PHKA1: variants seen among roughly 807,000 people sequenced by gnomAD.
PHKA1 encodes the protein phosphorylase kinase regulatory subunit alpha 1.
In PHKA1, 60 loss-of-function variants were observed where a neutral mutation model predicts 110.2. That is an observed-to-expected ratio of 0.54 (90% CI 0.44 to 0.68). The LOEUF is 0.68. Ranked by LOEUF, PHKA1 falls within the 30% of genes least tolerant of loss-of-function variation. The pLI, the probability that PHKA1 is intolerant of heterozygous loss-of-function variation, is 0.00. For synonymous variants in PHKA1, 316 were observed against 333.6 expected, an observed-to-expected ratio of 0.95 and a Z score of 0.58; for missense variants, 801 against 942.5, an observed-to-expected ratio of 0.85 and a Z score of 1.97.
intron 8 of PHKA1, among the ~76,000 whole-genome samples, chrX:72,661,641 G>A (rs2053559329): frequency 9.8e-6 from 1 of 102,251 alleles, no homozygotes; most frequent in South Asian, 4.7e-4. Context: ...TATACTGCTT[G>A]TATCTGTGGA....
chrX:72,702,925 C>T (rs2054226333), intron 3 of PHKA1, among the ~76,000 whole-genome samples: 1 of 111,717 alleles, frequency 9.0e-6, no homozygotes, highest in Non-Finnish European at 1.9e-5. Flanking sequence ...CAAGAGAATG[C>T]AACCATCTGT....
At chrX:72,649,674 G>A (rs2053403588) in intron 13 of PHKA1, among the ~76,000 whole-genome samples, 1 of 111,472 alleles carries the variant, frequency 9.0e-6, no homozygotes, top group South Asian at 3.8e-4. Flanking sequence ...CTAATACAGA[G>A]TGTAAATACA....
chrX:72,689,586 A>G (rs1421490824), intron 4 of PHKA1, among the ~76,000 whole-genome samples: 1 of 112,238 alleles, frequency 8.9e-6, no homozygotes, highest in African/African-American at 3.2e-5. Flanking sequence ...GTGCAGATGT[A>G]TCATATTTTA....
intron 16 of PHKA1, among the ~76,000 whole-genome samples, chrX:72,628,995 T>G (rs1210177404): frequency 1.8e-5 from 2 of 111,894 alleles, no homozygotes; most frequent in African/African-American, 6.5e-5. Flanking sequence ...ATGAATTATT[T>G]TCCCAAATGT....
At chrX:72,650,860 C>T (rs1189884306) in intron 12 of PHKA1, among the ~76,000 whole-genome samples, 1 of 111,267 alleles carries the variant, frequency 9.0e-6, no homozygotes, top group African/African-American at 3.3e-5. Context: ...TAGCTAGGAC[C>T]ACAGGCGTGT....
intron 29 of PHKA1, among the ~76,000 whole-genome samples, chrX:72,589,062 C>T (rs781909358): frequency 1.8e-5 from 2 of 111,807 alleles, no homozygotes; most frequent in African/African-American, 3.3e-5. Context: ...ACGGAATCCT[C>T]TCTAATTCAG....
At chrX:72,596,396 A>G (rs782715119) in intron 28 of PHKA1, among the ~76,000 whole-genome samples, 7 of 111,698 alleles carry the variant, frequency 6.3e-5, no homozygotes, top group African/African-American at 1.6e-4. Context: ...CCTATAGTTA[A>G]TGATACTATA....
chrX:72,655,056 C>T (rs1306319743), intron 10 of PHKA1, among the ~76,000 whole-genome samples: 1 of 110,513 alleles, frequency 9.0e-6, no homozygotes, highest in Non-Finnish European at 1.9e-5. Context: ...CTCGGCCTCC[C>T]AAAGTGCTGG....
At chrX:72,613,978 G>T (rs891383781) in intron 21 of PHKA1, among the ~76,000 whole-genome samples, 1 of 111,701 alleles carries the variant, frequency 9.0e-6, no homozygotes, top group East Asian at 2.8e-4. Flanking sequence ...CAGATAAATG[G>T]AGACTCAAGA....
At chrX:72,685,588 T>A (rs782236705) in intron 4 of PHKA1, among the ~76,000 whole-genome samples, 1 of 112,188 alleles carries the variant, frequency 8.9e-6, no homozygotes, top group Admixed American at 9.5e-5. Flanking sequence ...AATTACTTAA[T>A]CCTGAGCACT....
In PHKA1 at chrX:72,697,573, T is replaced by C. The variant is rs1235035233; in HGVS notation, c.286-1697A>G. Among the ~76,000 whole-genome samples, 9 of 109,263 alleles carry C rather than the reference T, an allele frequency of 8.2e-5. No homozygotes were observed. The East Asian group carries it at 2.3e-3, about 28-fold the overall frequency. The allele number at this position is 109,263 out of a possible 115,157, so 94.9% of individuals were successfully genotyped here. On this transcript the variant is annotated intron_variant, in intron 3 of 31. Coordinates refer to ENST00000373542, the MANE Select transcript of PHKA1 (RefSeq NM_002637.4). ...TGTCTTTTTTTTGAGCAAAAGTTTT[T>C]TTTTTTTTCTTCTCAGTTGACTGAA...
chrX:72,643,614 T>G (rs1335484923), intron 14 of PHKA1, among the ~76,000 whole-genome samples: 4 of 111,837 alleles, frequency 3.6e-5, no homozygotes, highest in African/African-American at 1.3e-4. Context: ...ATCACTATAA[T>G]CTCTTGCTTC....
intron 10 of PHKA1, 116 bp downstream of exon 10, chrX:72,656,004 C>A (rs2053492865): frequency 3.8e-6 from 3 of 786,975 alleles, no homozygotes; most frequent in African/African-American, 2.0e-5. Context: ...CTGTAGGGAA[C>A]AACTGTCTCT....
chrX:72,615,931 C>A (rs1268933986), intron 21 of PHKA1, among the ~76,000 whole-genome samples: 2 of 111,957 alleles, frequency 1.8e-5, no homozygotes, highest in Non-Finnish European at 3.8e-5. Flanking sequence ...TAAAAAAAGC[C>A]AAGAGCCAAC....
chrX:72,584,250 T>C lies in PHKA1; in HGVS notation c.3296A>G (p.Glu1099Gly). The change falls in exon 30 of 32, where the codon GAG becomes GGG. Residue 1099 changes from glutamate (E) to glycine (G), a missense_variant and splice_region_variant. Coordinates refer to ENST00000373542, the MANE Select transcript of PHKA1 (RefSeq NM_002637.4). ...GFVLPSSTTR[E>G]MTPGEIKFSV... The stretch of plus-strand genomic sequence containing the variant: ...AATGTGCAAGAAAGAGACTCTTACC[T>C]CTCTAGTGGTAGAGGAAGGAAGGAC... 8.3e-7 allele frequency: 1 copy of C among 1,199,991 alleles called. No homozygotes were observed. The highest frequency in any genetic ancestry group is 1.1e-6 in the Non-Finnish European group (1 of 885,292).
At chrX:72,690,053 T>C (rs1235736365) in intron 4 of PHKA1, among the ~76,000 whole-genome samples, 2 of 112,101 alleles carry the variant, frequency 1.8e-5, no homozygotes, top group African/African-American at 6.5e-5. Context: ...CATTTTTAAT[T>C]AGGTTATTTA....
chrX:72,583,288 C>G (rs1222550648), intron 30 of PHKA1, among the ~76,000 whole-genome samples: 2 of 111,608 alleles, frequency 1.8e-5, no homozygotes, highest in African/African-American at 6.5e-5. Flanking sequence ...GTTTCCTTAT[C>G]CATAAATTAG....
chrX:72,677,914 A>C (rs2053798650), intron 5 of PHKA1, among the ~76,000 whole-genome samples: 3 of 110,506 alleles, frequency 2.7e-5, no homozygotes. Context: ...GTCAGGCATG[A>C]TGGTGCTTCT....
chrX:72,642,821 A>C (rs1234274458), intron 14 of PHKA1, among the ~76,000 whole-genome samples: 1 of 111,511 alleles, frequency 9.0e-6, no homozygotes, highest in Non-Finnish European at 1.9e-5. Flanking sequence ...ATATTCAACA[A>C]ATTTGTTAAT....
Sources: allele counts gnomAD v4.1 joint callset (sites outside exome capture counted in the v4.1 genomes callset), GRCh38; gene constraint gnomAD v4.1.1; transcripts MANE v1.5; gene names NCBI Gene and HGNC (gene_info 2026-07-23, HGNC 2026-07-21).